Variants in MECOM observed in about 807,000 individuals in gnomAD.
MECOM encodes the protein histone-lysine N-methyltransferase MECOM.
A neutral mutation model predicts 116.3 loss-of-function variants in MECOM; 13 were observed. The observed-to-expected ratio is 0.11, with a 90% CI of 0.07 to 0.18. The LOEUF (loss-of-function observed/expected upper bound fraction) is 0.18, where lower values mean the gene tolerates loss of function less well. Ranked by LOEUF, MECOM falls within the 10% of genes least tolerant of loss-of-function variation. The pLI, the probability that MECOM is intolerant of heterozygous loss-of-function variation, is 1.00. For missense variants in MECOM, 1,299 were observed against 1,509.0 expected, an observed-to-expected ratio of 0.86 and a Z score of 2.31; for synonymous variants, 528 against 535.2, an observed-to-expected ratio of 0.99 and a Z score of 0.19.
intron 2 of MECOM, among the ~76,000 whole-genome samples, chr3:169,365,504 C>T (rs1442157908): frequency 1.3e-5 from 2 of 152,048 alleles, no homozygotes; most frequent in Non-Finnish European, 2.9e-5. Context: ...TAGATCCCAT[C>T]TGCTGCTCTT....
intron 2 of MECOM, among the ~76,000 whole-genome samples, chr3:169,296,466 G>A (rs544567269): frequency 1.3e-5 from 2 of 152,310 alleles, no homozygotes; most frequent in East Asian, 3.9e-4. Context: ...ATGTTGTATT[G>A]TGGATTTGCC....
intron 1 of MECOM, among the ~76,000 whole-genome samples, chr3:169,662,939 C>T (rs1229893296): frequency 6.6e-6 from 1 of 150,944 alleles, no homozygotes. Context: ...AGGCAACTCT[C>T]CCCCGCCTGG....
rs1560110875 is a variant in MECOM at position 169,090,051 on chromosome 3, T to C, written c.3350A>G (p.Asp1117Gly). The change falls in exon 15 of 17, where the codon GAC becomes GGC. Residue 1117 changes from aspartate (D) to glycine (G), a missense_variant. Physicochemically the swap from Asp to Gly is moderately conservative, Grantham distance 94 (BLOSUM62 -1). Around this residue, in one of 6 missense-constraint regions of MECOM, gnomAD observed 273 missense variants for 289.3 expected, o/e 0.94. Transcript: ENST00000651503. Reference sequence around the variant, plus strand: ...CTCCAGGGCACTGGTTTCTTCATAGTCATCCTCAGGGTTTCCTTCATGTAA... The same window carrying C: ...CTCCAGGGCACTGGTTTCTTCATAGCCATCCTCAGGGTTTCCTTCATGTAA... ...SNLHEGNPED[D>G]YEETSALEMS... is the part of the protein sequence containing the mutation. 4 of 1,613,620 alleles carry C rather than the reference T, an allele frequency of 2.5e-6. No homozygotes were observed. Among genetic ancestry groups the C allele is most frequent in the African/African-American group, 1.3e-5 (1 of 75,006 alleles).
chr3:169,319,544 G>A (rs1049338173), intron 2 of MECOM, among the ~76,000 whole-genome samples: 1 of 126,342 alleles, frequency 7.9e-6, no homozygotes, highest in African/African-American at 3.4e-5. Flanking sequence ...ATGTATCCTA[G>A]AACTTAAAGT....
intron 1 of MECOM, among the ~76,000 whole-genome samples, chr3:169,641,588 A>G (rs1272932797): frequency 6.6e-6 from 1 of 152,260 alleles, no homozygotes. Context: ...CAAAGAAGCT[A>G]GAGGACCACG....
At chr3:169,265,082 T>C (rs919522) in intron 2 of MECOM, among the ~76,000 whole-genome samples, 52,827 of 152,048 alleles carry the variant, frequency 0.35, 9,508 homozygotes, top group East Asian at 0.59. Context: ...TCTTGATATA[T>C]AAATCAACCC....
chr3:169,585,741 C>T (rs958925497), intron 1 of MECOM, among the ~76,000 whole-genome samples: 1 of 152,150 alleles, frequency 6.6e-6, no homozygotes, highest in Non-Finnish European at 1.5e-5. Flanking sequence ...GCTTTGTTCA[C>T]TAATAGCACC....
At chr3:169,112,435 C>T (rs995069708) in intron 9 of MECOM, among the ~76,000 whole-genome samples, 2 of 152,026 alleles carry the variant, frequency 1.3e-5, no homozygotes, top group East Asian at 3.9e-4. Flanking sequence ...GAGTATGGGA[C>T]GAGTCACAGT....
intron 1 of MECOM, among the ~76,000 whole-genome samples, chr3:169,451,236 C>A (rs1745522418): frequency 7.0e-6 from 1 of 142,154 alleles, no homozygotes; most frequent in Non-Finnish European, 1.5e-5. Flanking sequence ...CTCATTTAGA[C>A]TTTATTTAAG....
rs141596207 is a variant in MECOM at position 169,118,431 on chromosome 3, A to T, written c.1133-1692T>A. Among the ~76,000 whole-genome samples the T allele has an allele frequency of 2.0e-5, 3 of 152,306 alleles. No individual in the cohort carries two copies. In the East Asian group the frequency reaches 5.8e-4, roughly 29 times the overall value. On this transcript the variant is annotated intron_variant, in intron 7 of 16. Coordinates refer to ENST00000651503, the MANE Select transcript of MECOM (RefSeq NM_004991.4). ...CTTTAAAAGTATATACAATTTAACC[A>T]TACACCATAAATATACATCTAATTT... is the stretch of plus-strand genomic sequence containing the variant.
Position 169,116,174 on chromosome 3 carries a change from T to C in MECOM, c.1698A>G (p.Glu566=). The C allele has an allele frequency of 1.9e-6, 3 of 1,614,164 alleles. No homozygotes were observed. Among genetic ancestry groups the C allele is most frequent in the Non-Finnish European group, 2.5e-6 (3 of 1,180,020 alleles). ...PVELQPERSS[E]ERPFEKISDQ... ...CACTGATTTTCTCAAAGGGCCTCTCTTCAGAGGACCTCTCGGGCTGGAGCT... is the reference window on the plus strand; with the variant it reads ...CACTGATTTTCTCAAAGGGCCTCTCCTCAGAGGACCTCTCGGGCTGGAGCT... Residue 566 remains glutamate (E), a synonymous_variant, in exon 8 of 17, where the codon GAA becomes GAG. Transcript: ENST00000651503.
chr3:169,300,461 C>A (rs1301701499), intron 2 of MECOM, among the ~76,000 whole-genome samples: 1 of 152,072 alleles, frequency 6.6e-6, no homozygotes, highest in Non-Finnish European at 1.5e-5. Flanking sequence ...TTTAGTTAAC[C>A]CAGTTGACTC....
At chr3:169,477,105 G>GTGTATATATATA (rs1216311292) in intron 1 of MECOM, 1 of 59,558 alleles carries the variant, frequency 1.7e-5, no homozygotes, top group African/African-American at 7.7e-5. Flanking sequence ...GTGTGTGTGT[G>GTGTATATATATA]TATATATATA....
chr3:169,089,736 A>G (rs1719042861), intron 15 of MECOM, among the ~76,000 whole-genome samples: 1 of 152,036 alleles, frequency 6.6e-6, no homozygotes, highest in Non-Finnish European at 1.5e-5. Flanking sequence ...ACAATAAATG[A>G]TTGTGTACTT....
intron 1 of MECOM, among the ~76,000 whole-genome samples, chr3:169,412,354 A>G (rs1414562336): frequency 6.6e-6 from 1 of 151,602 alleles, no homozygotes; most frequent in Non-Finnish European, 1.5e-5. Flanking sequence ...TTTTTTTTAA[A>G]TTTATTTGGG....
At chr3:169,628,260 G>T (rs1420903043) in intron 1 of MECOM, among the ~76,000 whole-genome samples, 1 of 152,132 alleles carries the variant, frequency 6.6e-6, no homozygotes, top group Non-Finnish European at 1.5e-5. Context: ...CATTAAAGAG[G>T]TTCTAAATGC....
chr3:169,237,543 C>T (rs746651257), intron 2 of MECOM, among the ~76,000 whole-genome samples: 1 of 149,588 alleles, frequency 6.7e-6, no homozygotes, highest in African/African-American at 2.5e-5. Context: ...CTGTCCCTCC[C>T]TACTAGAATG....
intron 1 of MECOM, among the ~76,000 whole-genome samples, chr3:169,386,216 A>G (rs898744819): frequency 2.0e-5 from 3 of 152,228 alleles, no homozygotes; most frequent in African/African-American, 4.8e-5. Flanking sequence ...ACCTTCAAAG[A>G]GAAGAAATTG....
chr3:169,507,298 T>C (rs895430063), intron 1 of MECOM, among the ~76,000 whole-genome samples: 1 of 152,236 alleles, frequency 6.6e-6, no homozygotes, highest in Non-Finnish European at 1.5e-5. Flanking sequence ...AAATGGGTAA[T>C]TTAATTTGGG....
Sources: gnomAD v4.1 joint callset for allele counts (sites outside exome capture counted in the v4.1 genomes callset) on GRCh38, gnomAD v4.1.1 for gene constraint, gnomAD v4.1.1 regional missense constraint, MANE v1.5 for transcripts, NCBI Gene and HGNC (gene_info 2026-07-23, HGNC 2026-07-21) for gene names.